ANO10: variants seen among roughly 807,000 people sequenced by gnomAD.
The protein encoded by ANO10 is anoctamin 10.
In ANO10, 77 loss-of-function variants were observed where a neutral mutation model predicts 74.7. The observed-to-expected ratio is 1.03, with a 90% CI of 0.86 to 1.25. ANO10 has a LOEUF of 1.25. ANO10 is among the 50% of genes most tolerant of loss of function. ANO10 has a pLI of 0.00. For missense variants in ANO10, 721 were observed against 778.1 expected (o/e 0.93, Z 0.87); for synonymous variants, 279 against 284.9 (o/e 0.98, Z 0.21).
In ANO10 at chr3:43,402,709, C is replaced by A. The variant is rs116351169; in HGVS notation, c.1914+29902G>T. On this transcript the variant is annotated intron_variant, in intron 12 of 12. Coordinates refer to ENST00000292246, the MANE Select transcript of ANO10 (RefSeq NM_018075.5). ...AATGGCACCCTGCCCCACCAGCGAC[C>A]CTTAGCCAGCCCAAGCTCAGGATAT... Among the ~76,000 whole-genome samples the A allele has an allele frequency of 2.5e-3, 388 of 152,254 alleles. 1 individual carries two copies. The highest frequency in any genetic ancestry group is 8.9e-3 in the African/African-American group (369 of 41,542).
intron 11 of ANO10, among the ~76,000 whole-genome samples, chr3:43,514,275 G>A (rs2077623210): frequency 6.6e-6 from 1 of 151,964 alleles, no homozygotes; most frequent in African/African-American, 2.4e-5. Context: ...GACACAAATA[G>A]GTTCAAAGTA....
At chr3:43,614,634 T>C (rs1244945649) in intron 1 of ANO10, among the ~76,000 whole-genome samples, 1 of 151,780 alleles carries the variant, frequency 6.6e-6, no homozygotes, top group Non-Finnish European at 1.5e-5. Flanking sequence ...CACGCATTGC[T>C]GACAGATGTC....
intron 11 of ANO10, among the ~76,000 whole-genome samples, chr3:43,527,866 T>C (rs1016320195): frequency 2.0e-5 from 3 of 152,160 alleles, no homozygotes; most frequent in Admixed American, 6.6e-5. Flanking sequence ...GGATAGTGCT[T>C]GAAAATGCAC....
At chr3:43,651,499 TA>T in intron 1 of ANO10, among the ~76,000 whole-genome samples, 1 of 152,216 alleles carries the variant, frequency 6.6e-6, no homozygotes, top group African/African-American at 2.4e-5. Context: ...TAAAGTGTCT[TA>T]AAAAAAGAGG....
At chr3:43,523,188 T>C (rs1189793452) in intron 11 of ANO10, among the ~76,000 whole-genome samples, 1 of 152,170 alleles carries the variant, frequency 6.6e-6, no homozygotes, top group Non-Finnish European at 1.5e-5. Flanking sequence ...AAGGGGGTTC[T>C]CAGCAGAGGA....
At chr3:43,411,884 T>A (rs945442548) in intron 12 of ANO10, among the ~76,000 whole-genome samples, 7 of 152,084 alleles carry the variant, frequency 4.6e-5, no homozygotes, top group African/African-American at 1.7e-4. Flanking sequence ...AGGATGTAAT[T>A]AACTCACAAA....
chr3:43,511,410 A>C (rs769478886), intron 11 of ANO10, among the ~76,000 whole-genome samples: 4 of 152,208 alleles, frequency 2.6e-5, no homozygotes, highest in Non-Finnish European at 5.9e-5. Flanking sequence ...ATTTAGTCCT[A>C]GAGTGGAGTC....
intron 4 of ANO10, among the ~76,000 whole-genome samples, chr3:43,597,036 G>C (rs1325775067): frequency 1.3e-5 from 2 of 152,210 alleles, no homozygotes. Context: ...CTGGCCATCA[G>C]AGAAATGCAA....
chr3:43,567,660 C>T (rs1370398867), intron 7 of ANO10, among the ~76,000 whole-genome samples: 1 of 151,966 alleles, frequency 6.6e-6, no homozygotes, highest in Non-Finnish European at 1.5e-5. Context: ...ACCAGGCCTG[C>T]CTTACAAGAG....
Position 43,436,804 on chromosome 3 carries a change from G to A in ANO10, c.1798-4077C>T, listed in dbSNP as rs138603283. On this transcript the variant is annotated intron_variant, in intron 11 of 12. Transcript: ENST00000292246. ...ATTTTGCAAAAACTAGAAAACTTAT[G>A]ATATGATCCATAGTAGTAGCTGTGT... Among the ~76,000 whole-genome samples the A allele has an allele frequency of 2.1e-3, 322 of 152,270 alleles. 2 individuals carry two copies. Among genetic ancestry groups the A allele is most frequent in the African/African-American group, 7.4e-3 (308 of 41,560 alleles).
intron 11 of ANO10, among the ~76,000 whole-genome samples, chr3:43,536,533 C>T (rs925953234): frequency 6.6e-6 from 1 of 152,062 alleles, no homozygotes; most frequent in Non-Finnish European, 1.5e-5. Flanking sequence ...AGAATGATGC[C>T]TCACCTCATT....
intron 11 of ANO10, chr3:43,485,272 G>C (rs1281262580): frequency 1.6e-6 from 1 of 609,506 alleles, no homozygotes; most frequent in Non-Finnish European, 2.9e-6. Flanking sequence ...GCTGTTTGCC[G>C]CCCTTTGCCA....
intron 11 of ANO10, among the ~76,000 whole-genome samples, chr3:43,482,737 G>C (rs1388921757): frequency 2.6e-4 from 40 of 152,186 alleles, no homozygotes; most frequent in Admixed American, 2.6e-3. Flanking sequence ...CCTTCAATCT[G>C]GGAGAGCAGC....
intron 12 of ANO10, among the ~76,000 whole-genome samples, chr3:43,428,588 T>A (rs1194297156): frequency 6.6e-6 from 1 of 152,040 alleles, no homozygotes; most frequent in Non-Finnish European, 1.5e-5. Context: ...GTATACTGAA[T>A]GGAACCTGTT....
chr3:43,596,204 T>C (rs1398100150), intron 4 of ANO10, among the ~76,000 whole-genome samples: 1 of 152,108 alleles, frequency 6.6e-6, no homozygotes, highest in Non-Finnish European at 1.5e-5. Flanking sequence ...AATTTATAGA[T>C]TCAATGCCAT....
chr3:43,408,411 G>C (rs2092612953), intron 12 of ANO10, among the ~76,000 whole-genome samples: 1 of 152,150 alleles, frequency 6.6e-6, no homozygotes, highest in African/African-American at 2.4e-5. Flanking sequence ...GGACATAAGG[G>C]AAACCAGCAG....
chr3:43,643,663 T>C (rs1362479820), intron 1 of ANO10, among the ~76,000 whole-genome samples: 1 of 151,042 alleles, frequency 6.6e-6, no homozygotes, highest in Non-Finnish European at 1.5e-5. Flanking sequence ...AAGCTTTTCA[T>C]GTACTTGTCC....
intron 11 of ANO10, among the ~76,000 whole-genome samples, chr3:43,508,207 T>A (rs941485264): frequency 5.9e-5 from 9 of 152,132 alleles, no homozygotes; most frequent in Non-Finnish European, 1.2e-4. Flanking sequence ...AGAGACCTCA[T>A]CAAAATTAAA....
intron 1 of ANO10, among the ~76,000 whole-genome samples, chr3:43,680,029 C>A (rs1287513562): frequency 6.6e-6 from 1 of 152,184 alleles, no homozygotes; most frequent in Non-Finnish European, 1.5e-5. Flanking sequence ...ATCAGAGTGC[C>A]TCTCCTCCTC....
Sources: gnomAD v4.1 joint callset for allele counts (sites outside exome capture counted in the v4.1 genomes callset) on GRCh38, gnomAD v4.1.1 for gene constraint, MANE v1.5 for transcripts, NCBI Gene and HGNC (gene_info 2026-07-23, HGNC 2026-07-21) for gene names.